The following SPRED2 variants were observed in gnomAD, a reference collection of about 807,000 sequenced individuals.
SPRED2 encodes sprouty related EVH1 domain containing 2.
Under a neutral mutation model 43.0 loss-of-function variants are expected in SPRED2, and 47 were observed. The ratio of observed to expected loss-of-function variants is 1.09; its 90% CI spans 0.87 to 1.40. The LOEUF is 1.40. Among genes scored for constraint, SPRED2 ranks in the 40% most tolerant of loss-of-function variants. SPRED2 has a pLI of 0.00. For synonymous variants in SPRED2, 225 were observed against 225.7 expected (o/e 1.00, Z 0.03); for missense variants, 561 against 586.4 (o/e 0.96, Z 0.45).
chr2:65,398,572 A>G (rs757408371), intron 1 of SPRED2, among the ~76,000 whole-genome samples: 2 of 152,206 alleles, frequency 1.3e-5, no homozygotes, highest in Non-Finnish European at 2.9e-5. Flanking sequence ...TGAATGAACA[A>G]TTCTCAAAAG....
intron 1 of SPRED2, among the ~76,000 whole-genome samples, chr2:65,422,104 A>ACACACACACACTCTCTCTCT (rs1299857849): frequency 1.3e-4 from 17 of 128,938 alleles, no homozygotes; most frequent in South Asian, 2.8e-4. Flanking sequence ...ACACACACAC[A>ACACACACACACTCTCTCTCT]CTCTCTCTCT....
chr2:65,348,578 G>A (rs573530803), intron 1 of SPRED2, among the ~76,000 whole-genome samples: 25 of 152,076 alleles, frequency 1.6e-4, no homozygotes, highest in African/African-American at 6.0e-4. Flanking sequence ...TGAAGTGGGC[G>A]GATAACCTGA....
chr2:65,407,459 T>A (rs1290353282), intron 1 of SPRED2, among the ~76,000 whole-genome samples: 1 of 151,900 alleles, frequency 6.6e-6, no homozygotes, highest in Non-Finnish European at 1.5e-5. Context: ...GGGGTTCTAA[T>A]CTATTGCTGT....
intron 1 of SPRED2, among the ~76,000 whole-genome samples, chr2:65,367,395 G>A (rs1218293211): frequency 6.6e-6 from 1 of 152,156 alleles, no homozygotes; most frequent in Non-Finnish European, 1.5e-5. Flanking sequence ...TCTGTGTAGT[G>A]CGTATATGCA....
chr2:65,322,294 A>AT (rs1178902612), intron 4 of SPRED2, among the ~76,000 whole-genome samples: 5,555 of 64,220 alleles, frequency 0.086, 529 homozygotes, highest in East Asian at 0.15. Context: ...ATATATATAT[A>AT]TTTTTTTTTT....
intron 1 of SPRED2, among the ~76,000 whole-genome samples, chr2:65,423,914 C>T (rs1266542022): frequency 2.6e-5 from 4 of 151,978 alleles, no homozygotes; most frequent in East Asian, 1.9e-4. Flanking sequence ...CCCAGCCTCC[C>T]GAGTAGCTGG....
chr2:65,311,755 C>A lies in SPRED2; in HGVS notation c.*1746G>T, dbSNP rs1673073256. 1.0e-6 allele frequency: 1 copy of A among 985,338 alleles called. No homozygotes were observed. The allele number at this position is 985,338 out of a possible 1,614,324, so 61.0% of individuals were successfully genotyped here. On this transcript the variant is annotated 3_prime_UTR_variant, in exon 6 of 6. Coordinates refer to ENST00000356388, the MANE Select transcript of SPRED2 (RefSeq NM_181784.3). The stretch of plus-strand genomic sequence containing the variant: ...AGACGTCTACTAACTGACTCATAAG[C>A]ACACTGGGTATTTACACCGGTAATC...
chr2:65,375,063 A>G (rs753483277), intron 1 of SPRED2, among the ~76,000 whole-genome samples: 26 of 152,370 alleles, frequency 1.7e-4, no homozygotes, highest in Admixed American at 3.3e-4. Flanking sequence ...ACGCACACTC[A>G]GCAAGAGCCT....
chr2:65,315,769 C>G (rs914665844), intron 5 of SPRED2, among the ~76,000 whole-genome samples: 3 of 152,224 alleles, frequency 2.0e-5, no homozygotes, highest in African/African-American at 7.2e-5. Flanking sequence ...CGCCATTGTC[C>G]TGCTTCAGCC....
chr2:65,346,523 T>C (rs1447536859), intron 1 of SPRED2, among the ~76,000 whole-genome samples: 1 of 152,102 alleles, frequency 6.6e-6, no homozygotes, highest in Non-Finnish European at 1.5e-5. Flanking sequence ...CCTTCTCCAC[T>C]TCCTCGACCC....
At chr2:65,358,108 G>C (rs1674709204) in intron 1 of SPRED2, among the ~76,000 whole-genome samples, 1 of 152,152 alleles carries the variant, frequency 6.6e-6, no homozygotes, top group Non-Finnish European at 1.5e-5. Context: ...AGTATACTTT[G>C]AGTAGAGAAA....
intron 1 of SPRED2, among the ~76,000 whole-genome samples, chr2:65,386,376 C>T (rs369875752): frequency 3.2e-4 from 48 of 151,080 alleles, no homozygotes; most frequent in African/African-American, 1.2e-3. Context: ...GGGCATTCAG[C>T]AACCACAATA....
intron 1 of SPRED2, among the ~76,000 whole-genome samples, chr2:65,357,293 C>A (rs934001349): frequency 6.6e-6 from 1 of 152,224 alleles, no homozygotes; most frequent in Non-Finnish European, 1.5e-5. Context: ...CTGAAGCATG[C>A]TGGACGGCTT....
At chr2:65,414,734 G>C (rs1394877508) in intron 1 of SPRED2, among the ~76,000 whole-genome samples, 2 of 152,284 alleles carry the variant, frequency 1.3e-5, no homozygotes, top group East Asian at 3.9e-4. Flanking sequence ...GCAAGACTTT[G>C]GCCATTACTG....
intron 1 of SPRED2, among the ~76,000 whole-genome samples, chr2:65,381,810 A>G (rs982883763): frequency 3.3e-5 from 5 of 152,222 alleles, no homozygotes; most frequent in African/African-American, 1.2e-4. Flanking sequence ...GGACCTCTGA[A>G]GTCAACATGA....
chr2:65,413,863 A>C (rs887048114), intron 1 of SPRED2, among the ~76,000 whole-genome samples: 11 of 152,248 alleles, frequency 7.2e-5, no homozygotes, highest in African/African-American at 2.7e-4. Flanking sequence ...TGGTGACTTA[A>C]GTATTCCCAA....
intron 2 of SPRED2, among the ~76,000 whole-genome samples, chr2:65,341,598 A>G (rs966747941): frequency 3.3e-5 from 5 of 152,244 alleles, no homozygotes; most frequent in African/African-American, 9.6e-5. Context: ...CACTTCTTAG[A>G]GCATTGAGTT....
chr2:65,357,727 G>A (rs967057451), intron 1 of SPRED2, among the ~76,000 whole-genome samples: 1 of 152,056 alleles, frequency 6.6e-6, no homozygotes. Flanking sequence ...AGAGCTAGAG[G>A]GTGATCCTAC....
chr2:65,366,597 G>A (rs1237408804), intron 1 of SPRED2: 1 of 1,553,686 alleles, frequency 6.4e-7, no homozygotes, highest in Admixed American at 1.9e-5. Flanking sequence ...TACCTGCCAG[G>A]CGATGCCATT....
Sources: gnomAD v4.1 joint callset for allele counts (sites outside exome capture counted in the v4.1 genomes callset) on GRCh38, gnomAD v4.1.1 for gene constraint, MANE v1.5 for transcripts, NCBI Gene and HGNC (gene_info 2026-07-23, HGNC 2026-07-21) for gene names.